The following SEPTIN8 variants were observed in gnomAD, a reference collection of about 807,000 sequenced individuals.
SEPTIN8 encodes septin-8.
In SEPTIN8, 22 loss-of-function variants were observed where a neutral mutation model predicts 53.1. The ratio of observed to expected loss-of-function variants is 0.41; its 90% CI spans 0.30 to 0.59. The LOEUF is 0.59. Ranked by LOEUF, SEPTIN8 falls within the 20% of genes least tolerant of loss-of-function variation. The probability of loss-of-function intolerance (pLI) is 0.24; values close to 1 mark genes in which losing one functional copy is unlikely to be tolerated. For synonymous variants in SEPTIN8, 228 were observed against 248.4 expected, an observed-to-expected ratio of 0.92 and a Z score of 0.77; for missense variants, 536 against 638.7, an observed-to-expected ratio of 0.84 and a Z score of 1.73.
At chr5:132,771,137 C>T (rs1281542449) in intron 1 of SEPTIN8, among the ~76,000 whole-genome samples, 1 of 152,238 alleles carries the variant, frequency 6.6e-6, no homozygotes, top group Non-Finnish European at 1.5e-5. Context: ...CCTCCTAGAG[C>T]AGCCCTCATC....
At position 132,757,675 on chromosome 5, in the gene SEPTIN8, T is replaced by C. The variant is rs1304314357; in HGVS notation, c.1286+3127A>G. The C allele has an allele frequency of 3.0e-6, 3 of 985,186 alleles. No homozygotes were observed. The African/African-American group carries it at 5.2e-5, about 17-fold the overall frequency. The allele number at this position is 985,186 out of a possible 1,614,324, so 61.0% of individuals were successfully genotyped here. On this transcript the variant is annotated intron_variant, in intron 9 of 9. Coordinates refer to ENST00000378719, the MANE Select transcript of SEPTIN8 (RefSeq NM_001098811.2). ...TCCTTTCATTTAGTCATTTTACATC[T>C]CCCATTTTACCAGGCCGTATTCTCA...
intron 2 of SEPTIN8, 95 bp downstream of exon 2, chr5:132,765,314 G>A: frequency 1.4e-6 from 2 of 1,459,490 alleles, no homozygotes; most frequent in Non-Finnish European, 1.9e-6. Context: ...CTCTGCCTGG[G>A]AAGCCCCCTT....
In SEPTIN8 at chr5:132,776,149, G is replaced by GGGC. The variant is rs1360825325; in HGVS notation, c.30+956_30+958dup. On this transcript the variant is annotated intron_variant, in intron 1 of 9. Transcript: ENST00000378719. The surrounding 1 kb of genome is among the most constrained non-coding windows in gnomAD (Gnocchi z 4.4). ...ATTCCCCCTTCCCTCCAACAGCCCT[G>GGGC]GGCCTCCCTCCTCCTCCTCCTCCTT... Among the ~76,000 whole-genome samples the GGGC allele has an allele frequency of 6.6e-6, 1 of 151,684 alleles. No homozygotes were observed. The highest frequency in any genetic ancestry group is 1.5e-5 in the Non-Finnish European group (1 of 67,924).
intron 4 of SEPTIN8, 100 bp from the exon 5 acceptor site, chr5:132,762,745 C>A: frequency 7.5e-7 from 1 of 1,326,236 alleles, no homozygotes; most frequent in Non-Finnish European, 1.1e-6. Context: ...CAGGCCATAT[C>A]CCTGGGCAGG....
intron 9 of SEPTIN8, chr5:132,754,186 G>T: frequency 6.0e-6 from 3 of 500,766 alleles, no homozygotes; most frequent in South Asian, 3.0e-5. Flanking sequence ...GTCTTATTTT[G>T]AGCTACCATG....
Position 132,762,630 on chromosome 5 carries a change from T to C in SEPTIN8, c.550A>G (p.Ile184Val), listed in dbSNP as rs746128286. 3 of 1,614,212 alleles carry C rather than the reference T, an allele frequency of 1.9e-6. No homozygotes were observed. Among genetic ancestry groups the C allele is most frequent in the Admixed American group, 3.3e-5 (2 of 60,026 alleles). The stretch of plus-strand genomic sequence containing the variant: ...GAGATGGTGTCAGCCTTGGCGATGA[T>C]GGGAATAATGTTCACCTGCCAGGAT... ...KLDSKVNIIP[I>V]IAKADTISKS... Residue 184 changes from isoleucine (I) to valine (V), a missense_variant, in exon 5 of 10, where the codon ATC becomes GTC. By Grantham distance (29) the Ile-to-Val change is conservative. This residue lies in a region of SEPTIN8 where 395 missense variants were observed against 451.8 expected (regional missense o/e 0.87). Coordinates refer to ENST00000378719, the MANE Select transcript of SEPTIN8 (RefSeq NM_001098811.2).
chr5:132,772,890 A>G (rs962306608), intron 1 of SEPTIN8, among the ~76,000 whole-genome samples: 2 of 152,154 alleles, frequency 1.3e-5, no homozygotes, highest in Non-Finnish European at 2.9e-5. Flanking sequence ...GCCCCCTCAG[A>G]AAACAGCCAG....
In SEPTIN8 at chr5:132,761,896, C is replaced by T. The variant is rs2149971234; in HGVS notation, c.697G>A (p.Ala233Thr). The part of the protein sequence containing the change: ...AVAEINAVMN[A>T]HLPFAVVGST... ...CCCACCACGGCAAAGGGCAGATGTG[C>T]CTGGAAAGGGGCCCGGGTATGCGTA... The change falls in exon 6 of 10, where the codon GCA (alanine) becomes ACA (threonine). Residue 233 changes from alanine to threonine, a missense_variant and splice_region_variant. Transcript: ENST00000378719. This position sits in a 1 kb window ranked among gnomAD's most constrained non-coding sequence, Gnocchi z 5.8. 6 of 1,586,470 alleles carry T rather than the reference C, an allele frequency of 3.8e-6. 1 individual carries two copies. The East Asian group carries it at 1.1e-4, about 30-fold the overall frequency.
In SEPTIN8 at chr5:132,764,278, T is replaced by C; in HGVS notation, c.293A>G (p.Lys98Arg). Residue 98 changes from lysine (K) to arginine (R), a missense_variant, in exon 3 of 10, where the codon AAG becomes AGG. Lys to Arg is a conservative substitution (Grantham distance 26). This residue lies in a region of SEPTIN8 where 395 missense variants were observed against 451.8 expected (regional missense o/e 0.87). Transcript: ENST00000378719. ...GCCCACGGCATCCACAATGGTCAGC[T>C]TGAGCTGCACGTTGCTCTCCTGGAG... ...YDLQESNVQLKLTIVDAVGFG... is the reference protein window; with the variant it reads ...YDLQESNVQLRLTIVDAVGFG... 2 of 1,614,188 alleles carry C rather than the reference T, an allele frequency of 1.2e-6. No individual in the cohort carries two copies. The highest frequency in any genetic ancestry group is 8.5e-7 in the Non-Finnish European group (1 of 1,180,030).
Position 132,765,434 on chromosome 5 carries a change from G to T in SEPTIN8, c.126C>A (p.Gly42=), listed in dbSNP as rs1756482734. 1 of 1,613,598 alleles carries T rather than the reference G, an allele frequency of 6.2e-7. No individual in the cohort carries two copies. The highest frequency in any genetic ancestry group is 8.5e-7 in the Non-Finnish European group (1 of 1,179,780). ...CCACACAGAGGATGTTGAAGCTGAA[G>T]CCCTGAGTGACCGACTTGCTGACCA... ...DQLVSKSVTQ[G]FSFNILCVGE... Residue 42 remains glycine, a synonymous_variant, in exon 2 of 10, where the codon GGC becomes GGA. Coordinates refer to ENST00000378719, the MANE Select transcript of SEPTIN8 (RefSeq NM_001098811.2).
intron 9 of SEPTIN8, among the ~76,000 whole-genome samples, chr5:132,759,656 A>C (rs1755690013): frequency 6.6e-6 from 1 of 152,160 alleles, no homozygotes; most frequent in African/African-American, 2.4e-5. Context: ...GGGCATACAC[A>C]TCCCCAAATA....
At position 132,761,299 on chromosome 5, in the gene SEPTIN8, G is replaced by C. The variant is rs1755918889; in HGVS notation, c.963-34C>G. 1 of 1,610,496 alleles carries C rather than the reference G, an allele frequency of 6.2e-7. No individual in the cohort carries two copies. Among genetic ancestry groups the C allele is most frequent in the African/African-American group, 1.3e-5 (1 of 75,042 alleles). On this transcript the variant is annotated intron_variant, in intron 7 of 9. Transcript: ENST00000378719. The surrounding 1 kb of genome is among the most constrained non-coding windows in gnomAD (Gnocchi z 5.8). ...ACCCAGAGAAAAGAGGCCAAGGATG[G>C]GATTATGACGGAATGGGATAGGGCA...
intron 9 of SEPTIN8, chr5:132,758,523 A>G (rs1755560468): frequency 6.2e-7 from 1 of 1,613,572 alleles, no homozygotes; most frequent in Non-Finnish European, 8.5e-7. Flanking sequence ...GTCAGGGAAT[A>G]GTGACACTGT....
rs1420952730 is a variant in SEPTIN8 at position 132,773,141 on chromosome 5, AACAG to A, written c.30+3963_30+3966del. ...GGTTCAGATGGCTCCAAAAGAAGCCAACAGAGTGCCCCAGCTCTACCACAAGGGC... is the reference window on the plus strand; with the variant it reads ...GGTTCAGATGGCTCCAAAAGAAGCCAAGTGCCCCAGCTCTACCACAAGGGC... On this transcript the variant is annotated intron_variant, in intron 1 of 9. Transcript: ENST00000378719. The surrounding 1 kb of genome is among the most constrained non-coding windows in gnomAD (Gnocchi z 4.2). Among the ~76,000 whole-genome samples the A allele has an allele frequency of 1.3e-5, 2 of 152,232 alleles. No individual in the cohort carries two copies. The highest frequency in any genetic ancestry group is 2.9e-5 in the Non-Finnish European group (2 of 68,042).
In SEPTIN8 at chr5:132,757,611, C is replaced by G. The variant is rs975081176; in HGVS notation, c.1286+3191G>C. 14 of 985,272 alleles carry G rather than the reference C, an allele frequency of 1.4e-5. No homozygotes were observed. In the South Asian group the frequency reaches 6.1e-4, roughly 43 times the overall value. 61.0% of individuals were successfully genotyped at this position (985,272 alleles called of 1,614,324 possible). A position where few individuals can be genotyped will look rare whatever the true frequency, so the allele number is the denominator to read the frequency against. ...GCGTTGTGCATTCCTCTGGGTAGCT[C>G]CAGTGCCCAGCACGGTGCTTCAACA... is the stretch of plus-strand genomic sequence containing the variant. On this transcript the variant is annotated intron_variant, in intron 9 of 9. Coordinates refer to ENST00000378719, the MANE Select transcript of SEPTIN8 (RefSeq NM_001098811.2).
chr5:132,765,686 CA>C (rs1756512731), intron 1 of SEPTIN8, among the ~76,000 whole-genome samples, 157 bp from the exon 2 acceptor site: 1 of 152,218 alleles, frequency 6.6e-6, no homozygotes, highest in Non-Finnish European at 1.5e-5. Flanking sequence ...ACCCGAGCAC[CA>C]ACTCCAGGCC....
At chr5:132,752,801 C>G in intron 9 of SEPTIN8, 2 of 1,420,816 alleles carry the variant, frequency 1.4e-6, no homozygotes, top group Non-Finnish European at 2.0e-6. Flanking sequence ...TTTTGGCACT[C>G]AATTGCCAAT....
chr5:132,769,999 A>G (rs1384686312), intron 1 of SEPTIN8, among the ~76,000 whole-genome samples: 7 of 46,110 alleles, frequency 1.5e-4, no homozygotes, highest in Non-Finnish European at 2.4e-4. Context: ...ATATATATAT[A>G]TATATATATA....
chr5:132,763,082 A>C (rs912364285), intron 4 of SEPTIN8, among the ~76,000 whole-genome samples: 6 of 152,332 alleles, frequency 3.9e-5, no homozygotes, highest in African/African-American at 1.4e-4. Flanking sequence ...CCCGTTTTTT[A>C]CAATAAAAAT....
Sources: gnomAD v4.1 joint callset for allele counts (sites outside exome capture counted in the v4.1 genomes callset) on GRCh38, gnomAD v4.1.1 for gene constraint, gnomAD v4.1.1 regional missense constraint, Gnocchi (gnomAD v3.1) non-coding constraint, MANE v1.5 for transcripts, NCBI Gene and HGNC (gene_info 2026-07-23, HGNC 2026-07-21) for gene names.